The following SLC9A9 variants were observed in gnomAD, a reference collection of about 807,000 sequenced individuals.
SLC9A9 encodes solute carrier family 9 member A9.
In SLC9A9, 62 loss-of-function variants were observed where a neutral mutation model predicts 77.8. The ratio of observed to expected loss-of-function variants is 0.80; its 90% confidence interval spans 0.65 to 0.98. The LOEUF (loss-of-function observed/expected upper bound fraction) is 0.98, where lower values mean the gene tolerates loss of function less well. Ranked by LOEUF, SLC9A9 falls within the 50% of genes least tolerant of loss-of-function variation. The probability of loss-of-function intolerance (pLI) is 0.00; values close to 1 mark genes in which losing one functional copy is unlikely to be tolerated. For missense variants in SLC9A9, 775 were observed against 774.9 expected, an observed-to-expected ratio of 1.00 and a Z score of 0.00; for synonymous variants, 320 against 283.5, an observed-to-expected ratio of 1.13 and a Z score of -1.29.
Position 143,378,391 on chromosome 3 carries a change from A to G in SLC9A9, c.1524+3669T>C, listed in dbSNP as rs150168800. 5.3e-5 allele frequency among the ~76,000 whole-genome samples: 8 copies of G among 152,326 alleles called. No homozygotes were observed. The East Asian group carries it at 1.5e-3, about 29-fold the overall frequency. Reference sequence around the variant, plus strand: ...TCTTGGGCAAGTTTTGTCTCTGTGTACAATTTCCTTATTTGTAAAATGCAG... The same window carrying G: ...TCTTGGGCAAGTTTTGTCTCTGTGTGCAATTTCCTTATTTGTAAAATGCAG... On this transcript the variant is annotated intron_variant, in intron 13 of 15. Transcript: ENST00000316549.
At chr3:143,523,896 T>C (rs578067642) in intron 9 of SLC9A9, among the ~76,000 whole-genome samples, 15 of 152,288 alleles carry the variant, frequency 9.8e-5, no homozygotes, top group African/African-American at 3.1e-4. Context: ...ATAAGCTATA[T>C]AAAACGAAGA....
At chr3:143,485,539 G>C (rs539394697) in intron 11 of SLC9A9, among the ~76,000 whole-genome samples, 3 of 152,174 alleles carry the variant, frequency 2.0e-5, no homozygotes, top group Admixed American at 6.5e-5. Flanking sequence ...TTCTATCTCA[G>C]GCTGATTCCC....
intron 11 of SLC9A9, among the ~76,000 whole-genome samples, chr3:143,485,333 G>T (rs1269776974): frequency 6.6e-6 from 1 of 152,102 alleles, no homozygotes; most frequent in Non-Finnish European, 1.5e-5. Context: ...GAGATTTAAA[G>T]GGCCAGGACC....
intron 2 of SLC9A9, among the ~76,000 whole-genome samples, chr3:143,800,968 C>T (rs1379704145): frequency 2.0e-5 from 3 of 152,226 alleles, no homozygotes; most frequent in Non-Finnish European, 4.4e-5. Context: ...TTCTACAAAA[C>T]AACAACTCCT....
intron 4 of SLC9A9, among the ~76,000 whole-genome samples, chr3:143,763,312 G>T (rs567992836): frequency 6.6e-6 from 1 of 152,214 alleles, no homozygotes; most frequent in South Asian, 2.1e-4. Context: ...CACAGCCTTA[G>T]AAATTTACAT....
At chr3:143,360,793 T>G (rs1326327945) in intron 14 of SLC9A9, among the ~76,000 whole-genome samples, 2 of 152,194 alleles carry the variant, frequency 1.3e-5, no homozygotes, top group East Asian at 3.8e-4. Flanking sequence ...TTCAGTGATG[T>G]GATTATTAGT....
In SLC9A9 at chr3:143,448,947, A is replaced by T. The variant is rs537161789; in HGVS notation, c.1469+18090T>A. ...ATTATAATATATAATATGATATATAATATATAATATAATTATATAAATATA... is the reference window on the plus strand; with the variant it reads ...ATTATAATATATAATATGATATATATTATATAATATAATTATATAAATATA... On this transcript the variant is annotated intron_variant, in intron 12 of 15. Coordinates refer to ENST00000316549, the MANE Select transcript of SLC9A9 (RefSeq NM_173653.4). Among the ~76,000 whole-genome samples the T allele has an allele frequency of 2.2e-3, 39 of 17,640 alleles. 13 individuals are homozygous for T. In the Admixed American group the frequency reaches 0.035, roughly 16 times the overall value. 11.6% of individuals were successfully genotyped at this position (17,640 alleles called of 152,430 possible). A position where few individuals can be genotyped will look rare whatever the true frequency, so the allele number is the denominator to read the frequency against.
At chr3:143,774,608 G>A (rs79348470) in intron 4 of SLC9A9, among the ~76,000 whole-genome samples, 2,346 of 152,272 alleles carry the variant, frequency 0.015, 75 homozygotes, top group African/African-American at 0.055. Flanking sequence ...GAGTAGCCTG[G>A]AAGTGTTAGC....
intron 13 of SLC9A9, among the ~76,000 whole-genome samples, chr3:143,378,705 G>A (rs571681865): frequency 6.6e-6 from 1 of 152,332 alleles, no homozygotes; most frequent in Non-Finnish European, 1.5e-5. Context: ...TTCCTGTTGT[G>A]TGGGAGGCTA....
At chr3:143,846,731 G>GT (rs5853133) in intron 1 of SLC9A9, among the ~76,000 whole-genome samples, 2 of 146,340 alleles carry the variant, frequency 1.4e-5, no homozygotes, top group African/African-American at 2.5e-5. Context: ...GCAAAAAAAG[G>GT]TTTTTTTTTT....
At chr3:143,381,839 T>TAG in intron 13 of SLC9A9, 1 of 569,316 alleles carries the variant, frequency 1.8e-6, no homozygotes, top group Non-Finnish European at 3.1e-6. Flanking sequence ...CCTGCTGCCA[T>TAG]AGAGAGGCTT....
chr3:143,401,297 T>C (rs1287295973), intron 12 of SLC9A9, among the ~76,000 whole-genome samples: 1 of 152,210 alleles, frequency 6.6e-6, no homozygotes, highest in African/African-American at 2.4e-5. Flanking sequence ...CTCTGGGTTC[T>C]GGTTAATATT....
intron 4 of SLC9A9, among the ~76,000 whole-genome samples, chr3:143,765,236 C>T (rs2007277137): frequency 6.6e-6 from 1 of 150,606 alleles, no homozygotes; most frequent in Non-Finnish European, 1.5e-5. Context: ...ACAGGGTTTC[C>T]CTACGTTGCC....
intron 9 of SLC9A9, among the ~76,000 whole-genome samples, chr3:143,548,868 T>G (rs1305646476): frequency 6.6e-6 from 1 of 152,234 alleles, no homozygotes; most frequent in Non-Finnish European, 1.5e-5. Flanking sequence ...AGCTATTTGA[T>G]TAACTGGTAT....
At chr3:143,798,507 G>A (rs553099635) in intron 2 of SLC9A9, among the ~76,000 whole-genome samples, 3 of 152,108 alleles carry the variant, frequency 2.0e-5, no homozygotes, top group Non-Finnish European at 4.4e-5. Flanking sequence ...TTCACTATAG[G>A]CAAGCTTCCA....
At chr3:143,783,626 T>C (rs1015323682) in intron 4 of SLC9A9, among the ~76,000 whole-genome samples, 1 of 151,982 alleles carries the variant, frequency 6.6e-6, no homozygotes. Flanking sequence ...ATAAAAATCA[T>C]AAATGGGGAA....
chr3:143,695,027 G>C (rs941248469), intron 4 of SLC9A9, among the ~76,000 whole-genome samples: 1 of 152,066 alleles, frequency 6.6e-6, no homozygotes, highest in African/African-American at 2.4e-5. Flanking sequence ...CACAGCATGG[G>C]AGCTGGGAAA....
chr3:143,511,773 A>G (rs2036119362), intron 9 of SLC9A9, among the ~76,000 whole-genome samples: 1 of 152,208 alleles, frequency 6.6e-6, no homozygotes, highest in African/African-American at 2.4e-5. Flanking sequence ...CATTCATTTC[A>G]GATTTCTTGG....
chr3:143,295,618 G>T (rs1249569625), intron 14 of SLC9A9, among the ~76,000 whole-genome samples: 1 of 152,108 alleles, frequency 6.6e-6, no homozygotes, highest in African/African-American at 2.4e-5. Context: ...CCCCTATCAC[G>T]AACCCACAGA....
Sources: gnomAD v4.1 joint callset for allele counts (sites outside exome capture counted in the v4.1 genomes callset) on GRCh38, gnomAD v4.1.1 for gene constraint, MANE v1.5 for transcripts, NCBI Gene and HGNC (gene_info 2026-07-23, HGNC 2026-07-21) for gene names.